QPRT: variants seen among roughly 807,000 people sequenced by gnomAD.
QPRT encodes the protein quinolinate phosphoribosyltransferase.
Under a neutral mutation model 19.8 loss-of-function variants are expected in QPRT, and 17 were observed. That is an observed-to-expected ratio of 0.86 (90% CI 0.59 to 1.29). The LOEUF (loss-of-function observed/expected upper bound fraction) is 1.29. Among genes scored for constraint, QPRT ranks in the 50% most tolerant of loss-of-function variants. The pLI, the probability that QPRT is intolerant of heterozygous loss-of-function variation, is 0.00. For synonymous variants in QPRT, 178 were observed against 191.0 expected, an observed-to-expected ratio of 0.93 and a Z score of 0.56; for missense variants, 336 against 405.1, an observed-to-expected ratio of 0.83 and a Z score of 1.46.
rs2142314224 is a variant in QPRT, at chr16:29,696,990, C to T, written c.550-6C>T. The T allele has an allele frequency of 6.3e-7, 1 of 1,596,986 alleles. No individual in the cohort carries two copies. The highest frequency in any genetic ancestry group is 2.2e-4 in the Middle Eastern group (1 of 4,628). On this transcript the variant is annotated splice_polypyrimidine_tract_variant and splice_region_variant and intron_variant, in intron 2 of 3. Coordinates refer to ENST00000395384, the MANE Select transcript of QPRT (RefSeq NM_014298.6). ...CCTCACCCTTGTCCTCCCGGCTGCC[C>T]AGCAGGCGGTGCGGGCGGCCAGACA... is the stretch of plus-strand genomic sequence containing the variant.
chr16:29,692,151 T>C (rs1201856498), intron 1 of QPRT, among the ~76,000 whole-genome samples: 1 of 152,238 alleles, frequency 6.6e-6, no homozygotes, highest in Non-Finnish European at 1.5e-5. Flanking sequence ...TAGATGGCGC[T>C]GTTGCACCGC....
Position 29,697,566 on chromosome 16 carries a change from T to C in QPRT, c.*155T>C, listed in dbSNP as rs1002418757. On this transcript the variant is annotated 3_prime_UTR_variant, in exon 4 of 4. Coordinates refer to ENST00000395384, the MANE Select transcript of QPRT (RefSeq NM_014298.6). This position sits in a 1 kb window ranked among gnomAD's most constrained non-coding sequence, Gnocchi z 4.4. ...TGCCACCTGCTGCTCCTGTGACCTG[T>C]CAGGGCTGACTTCACCTCTGCTCAT... is the stretch of plus-strand genomic sequence containing the variant. 2.7e-6 allele frequency: 2 copies of C among 751,330 alleles called. No homozygotes were observed. The highest frequency in any genetic ancestry group is 1.8e-5 in the African/African-American group (1 of 56,604). The allele number at this position is 751,330 out of a possible 1,614,324, so 46.5% of individuals were successfully genotyped here. A position where few individuals can be genotyped will look rare whatever the true frequency, so the allele number is the denominator to read the frequency against.
chr16:29,695,189 G>A lies in QPRT; in HGVS notation c.539G>A (p.Gly180Asp). 1.3e-6 allele frequency: 2 copies of A among 1,546,768 alleles called. No homozygotes were observed. The highest frequency in any genetic ancestry group is 1.7e-6 in the Non-Finnish European group (2 of 1,144,626). The change falls in exon 2 of 4, where the codon GGC becomes GAC. Residue 180 changes from glycine (G) to aspartate (D), a missense_variant. Gly to Asp is a moderately conservative substitution (Grantham distance 94). Transcript: ENST00000395384. ...GATAACCATGTGGTGGCCGCCGGTG[G>A]CGTGGAGAAGGTGCTGGTCCTGCCT... The part of the protein sequence containing the change: ...VKDNHVVAAG[G>D]VEKAVRAARQ...
rs1323794506 is a variant in QPRT at position 29,684,831 on chromosome 16, T to C, written c.13+5621T>C. Among the ~76,000 whole-genome samples the C allele has an allele frequency of 2.6e-5, 4 of 152,342 alleles. No individual in the cohort carries two copies. The East Asian group carries it at 7.7e-4, about 29-fold the overall frequency. On this transcript the variant is annotated intron_variant, in intron 1 of 3. Coordinates refer to ENST00000395384, the MANE Select transcript of QPRT (RefSeq NM_014298.6). ...TCAGGAAACGCTTTGGGATTCAGCT[T>C]CTGTTCTTGTGAAATGGGAAGAATC... is the stretch of plus-strand genomic sequence containing the variant.
At chr16:29,681,097 G>T (rs1257541906) in intron 1 of QPRT, among the ~76,000 whole-genome samples, 1 of 151,980 alleles carries the variant, frequency 6.6e-6, no homozygotes, top group Admixed American at 6.6e-5. Flanking sequence ...GCTCTCAGGG[G>T]TCCCATGCAG....
rs2142316165 is a variant in QPRT at position 29,698,317 on chromosome 16, A to C, written c.*906A>C. 6.6e-6 allele frequency: 1 copy of C among 152,416 alleles called. No individual in the cohort carries two copies. Among genetic ancestry groups the C allele is most frequent in the East Asian group, 1.9e-4 (1 of 5,180 alleles). 9.4% of individuals were successfully genotyped at this position (152,416 alleles called of 1,614,324 possible). A position where few individuals can be genotyped will look rare whatever the true frequency, so the allele number is the denominator to read the frequency against. On this transcript the variant is annotated 3_prime_UTR_variant, in exon 4 of 4. Coordinates refer to ENST00000395384, the MANE Select transcript of QPRT (RefSeq NM_014298.6). ...CTTGCCTAGTTTACAAGACAGGAGG[A>C]AAGAGAGAAAGCAAAAAGTTAGAAA...
At chr16:29,690,813 C>T (rs1363299261) in intron 1 of QPRT, among the ~76,000 whole-genome samples, 5 of 152,070 alleles carry the variant, frequency 3.3e-5, no homozygotes, top group Non-Finnish European at 7.4e-5. Flanking sequence ...CCTCAGCCTC[C>T]CAAGTAGCTG....
chr16:29,692,691 C>T (rs1967385617), intron 1 of QPRT, among the ~76,000 whole-genome samples: 2 of 152,206 alleles, frequency 1.3e-5, no homozygotes, highest in Admixed American at 6.5e-5. Context: ...CGAGATCGCG[C>T]CTCTGCAGTC....
At chr16:29,680,579 G>C (rs1374250836) in intron 1 of QPRT, among the ~76,000 whole-genome samples, 2 of 152,166 alleles carry the variant, frequency 1.3e-5, no homozygotes, top group Non-Finnish European at 2.9e-5. Flanking sequence ...GGATGGGGCT[G>C]TGTGACCATG....
chr16:29,684,234 G>A (rs758147329), intron 1 of QPRT, among the ~76,000 whole-genome samples: 11 of 152,094 alleles, frequency 7.2e-5, no homozygotes, highest in Admixed American at 2.6e-4. Flanking sequence ...GCAGCCTCCC[G>A]AGTAGCTGGC....
intron 2 of QPRT, 113 bp downstream of exon 2, chr16:29,695,312 A>G (rs1967497233): frequency 8.1e-7 from 1 of 1,231,508 alleles, no homozygotes; most frequent in African/African-American, 1.5e-5. Flanking sequence ...GCCTGGAGTC[A>G]GCAACACAAG....
In QPRT at chr16:29,695,212, C is replaced by T. The variant is rs1179180455; in HGVS notation, c.549+13C>T. On this transcript the variant is annotated intron_variant, in intron 2 of 3. Transcript: ENST00000395384. ...TGGCGTGGAGAAGGTGCTGGTCCTG[C>T]CTGTCCCTGGTCCAACCCCACCCTC... 3 of 1,523,546 alleles carry T rather than the reference C, an allele frequency of 2.0e-6. No homozygotes were observed. Among genetic ancestry groups the T allele is most frequent in the Non-Finnish European group, 8.8e-7 (1 of 1,132,928 alleles). 94.4% of individuals were successfully genotyped at this position (1,523,546 alleles called of 1,614,324 possible).
chr16:29,696,322 T>G (rs1489908341), intron 2 of QPRT: 1 of 151,936 alleles, frequency 6.6e-6, no homozygotes, highest in Non-Finnish European at 1.5e-5. Context: ...AGATTCTGTC[T>G]CTACAAAAAA....
At position 29,694,665 on chromosome 16, in the gene QPRT, C is replaced by A. The variant is rs1427460412; in HGVS notation, c.15C>A (p.Gly5=). 4.5e-6 allele frequency: 7 copies of A among 1,540,906 alleles called. 1 individual carries two copies. The South Asian group carries it at 8.8e-5, about 19-fold the overall frequency. Residue 5 remains glycine, a splice_region_variant and synonymous_variant, in exon 2 of 4, where the codon GGC becomes GGA. Transcript: ENST00000395384. ...ACAGCTGTTCTCTCTTCCCCCCAGG[C>A]CTGGCGCTGCTGCTGCCGCCCGTCA... MDAE[G]LALLLPPVTL...
intron 1 of QPRT, among the ~76,000 whole-genome samples, chr16:29,692,895 T>C (rs994521112): frequency 5.3e-5 from 8 of 151,940 alleles, no homozygotes; most frequent in Non-Finnish European, 1.0e-4. Flanking sequence ...ACCCCGTCTA[T>C]ACTAAAAATA....
At position 29,694,693 on chromosome 16, in the gene QPRT, C is replaced by T; in HGVS notation, c.43C>T (p.Leu15=). ...GLALLLPPVT[L]AALVDSWLRE... ...GGCGCTGCTGCTGCCGCCCGTCACC[C>T]TGGCAGCCCTGGTGGACAGCTGGCT... Residue 15 remains leucine (L), a synonymous_variant, in exon 2 of 4, where the codon CTG becomes TTG. Coordinates refer to ENST00000395384, the MANE Select transcript of QPRT (RefSeq NM_014298.6). 1.9e-6 allele frequency: 3 copies of T among 1,554,378 alleles called. No individual in the cohort carries two copies. The highest frequency in any genetic ancestry group is 2.6e-6 in the Non-Finnish European group (3 of 1,149,178).
rs1446045073 is a variant in QPRT at position 29,698,496 on chromosome 16, A to T, written c.*1085A>T. On this transcript the variant is annotated 3_prime_UTR_variant, in exon 4 of 4. Transcript: ENST00000395384. ...AATTCCAGACATTGTATGAAAAAGC[A>T]TTGCAAAACTTTCTGCTCTGTTAGC... The T allele has an allele frequency of 6.5e-6, 1 of 152,772 alleles. No homozygotes were observed. 9.5% of individuals were successfully genotyped at this position (152,772 alleles called of 1,614,324 possible).
intron 1 of QPRT, among the ~76,000 whole-genome samples, chr16:29,684,852 G>C (rs1967115698): frequency 6.6e-6 from 1 of 152,238 alleles, no homozygotes; most frequent in Non-Finnish European, 1.5e-5. Context: ...GAAATGGGAA[G>C]AATCCCTGTG....
intron 2 of QPRT, chr16:29,696,472 G>C (rs1374786903): frequency 1.4e-5 from 2 of 146,564 alleles, no homozygotes; most frequent in East Asian, 4.1e-4. Context: ...GGGCGACAGA[G>C]CGGGACCCTG....
Sources: gnomAD v4.1 joint callset for allele counts (sites outside exome capture counted in the v4.1 genomes callset) on GRCh38, gnomAD v4.1.1 for gene constraint, Gnocchi (gnomAD v3.1) non-coding constraint, MANE v1.5 for transcripts, NCBI Gene and HGNC (gene_info 2026-07-23, HGNC 2026-07-21) for gene names.